DENND3: variants seen among roughly 807,000 people sequenced by gnomAD.
DENND3 encodes DENN domain-containing protein 3.
A neutral mutation model predicts 135.1 loss-of-function variants in DENND3; 88 were observed. That is an observed-to-expected ratio of 0.65 (90% CI 0.55 to 0.78). The LOEUF is 0.78. DENND3 is among the 30% of genes least tolerant of loss of function. DENND3 has a pLI of 0.00. For missense variants in DENND3, 1,392 were observed against 1,688.4 expected (o/e 0.82, Z 3.08); for synonymous variants, 693 against 712.3 (o/e 0.97, Z 0.43).
intron 22 of DENND3, 31 bp downstream of exon 22, chr8:141,192,694 C>A: frequency 6.2e-7 from 1 of 1,605,998 alleles, no homozygotes; most frequent in Non-Finnish European, 8.5e-7. Flanking sequence ...TCCCCAGCAT[C>A]CCCGGCAGGT....
intron 5 of DENND3, among the ~76,000 whole-genome samples, chr8:141,145,803 T>TATA (rs1817953676): frequency 4.6e-5 from 4 of 87,122 alleles, no homozygotes; most frequent in Non-Finnish European, 6.7e-5. Flanking sequence ...ATATTGAATA[T>TATA]TATATATATA....
In DENND3 at chr8:141,158,698, G is replaced by A. The variant is rs968785045; in HGVS notation, c.1197-1934G>A. ...ACGTGAGCGTGTGGCTGGGAGGGAC[G>A]GGGCAGCCCCCTCCTTGCCCAGCTT... On this transcript the variant is annotated intron_variant, in intron 8 of 22. Transcript: ENST00000519811. 3.9e-5 allele frequency among the ~76,000 whole-genome samples: 6 copies of A among 152,192 alleles called. No homozygotes were observed. In the South Asian group the frequency reaches 6.2e-4, roughly 16 times the overall value.
At chr8:141,176,957 C>T (rs570315705) in intron 15 of DENND3, 196 bp downstream of exon 15, 94 of 613,790 alleles carry the variant, frequency 1.5e-4, no homozygotes, top group Non-Finnish European at 2.1e-4. Context: ...AGAGGCCTCA[C>T]GGTGCTACGG....
At chr8:141,157,343 G>T (rs1162003606) in intron 8 of DENND3, 2 of 985,272 alleles carry the variant, frequency 2.0e-6, no homozygotes, top group Non-Finnish European at 2.4e-6. Flanking sequence ...CTCAGCTTCA[G>T]TGCCAGGGCT....
rs765778810 is a variant in DENND3 at position 141,190,401 on chromosome 8, C to T, written c.3363C>T (p.Gly1121=). Residue 1121 remains glycine, a synonymous_variant, in exon 20 of 23, where the codon GGC becomes GGT. Coordinates refer to ENST00000519811, the MANE Select transcript of DENND3 (RefSeq NM_001352890.3). ...RGGLTSIRLH[G]GRLWCCTGNS... Reference sequence around the variant, plus strand: ...GCCTGACGTCCATCAGACTGCACGGCGGCCGCCTGTGGTGCTGTAAGTCCG... The same window carrying T: ...GCCTGACGTCCATCAGACTGCACGGTGGCCGCCTGTGGTGCTGTAAGTCCG... 11 of 1,609,676 alleles carry T rather than the reference C, an allele frequency of 6.8e-6. No homozygotes were observed. The highest frequency in any genetic ancestry group is 7.6e-6 in the Non-Finnish European group (9 of 1,179,008).
At chr8:141,180,906 G>T (rs538028263) in intron 17 of DENND3, 52 bp downstream of exon 17, 1 of 1,497,574 alleles carries the variant, frequency 6.7e-7, no homozygotes, top group Non-Finnish European at 9.2e-7. Flanking sequence ...AATCTGATGC[G>T]CTTAGGTTTG....
chr8:141,172,286 G>A (rs1821719088), intron 13 of DENND3, among the ~76,000 whole-genome samples: 1 of 151,744 alleles, frequency 6.6e-6, no homozygotes, highest in Admixed American at 6.5e-5. Flanking sequence ...CTTTGGGCAT[G>A]CACTGTCTTG....
chr8:141,189,991 C>A (rs1490768666), intron 19 of DENND3, among the ~76,000 whole-genome samples: 1 of 152,172 alleles, frequency 6.6e-6, no homozygotes, highest in Non-Finnish European at 1.5e-5. Flanking sequence ...GAGCCTGCGG[C>A]CCGCGGTGGT....
chr8:141,185,884 G>A (rs1180973256), intron 18 of DENND3, among the ~76,000 whole-genome samples: 1 of 151,592 alleles, frequency 6.6e-6, no homozygotes, highest in Non-Finnish European at 1.5e-5. Context: ...CTGTGAAGTG[G>A]AGCCATTGTG....
chr8:141,181,838 T>A (rs1823160071), intron 17 of DENND3, among the ~76,000 whole-genome samples: 1 of 152,110 alleles, frequency 6.6e-6, no homozygotes, highest in African/African-American at 2.4e-5. Context: ...GTTGGTGCAA[T>A]CATGGCTCAT....
At chr8:141,153,184 C>T (rs1819017069) in intron 7 of DENND3, among the ~76,000 whole-genome samples, 1 of 150,702 alleles carries the variant, frequency 6.6e-6, no homozygotes, top group Admixed American at 6.6e-5. Context: ...ACCAATGCCT[C>T]CCGGGTTCAA....
At chr8:141,173,854 C>T (rs1035439554) in intron 13 of DENND3, 19 of 152,454 alleles carry the variant, frequency 1.2e-4, no homozygotes, top group African/African-American at 4.6e-4. Context: ...CTCTCTGTGT[C>T]TCAGTTTCCC....
intron 8 of DENND3, chr8:141,157,940 A>T (rs1819648313): frequency 6.4e-6 from 6 of 932,480 alleles, no homozygotes; most frequent in Admixed American, 5.3e-5. Flanking sequence ...TTGTGTTTTC[A>T]GTAGAGACAG....
chr8:141,153,700 C>T (rs1013539477), intron 7 of DENND3, among the ~76,000 whole-genome samples: 3 of 152,202 alleles, frequency 2.0e-5, no homozygotes, highest in African/African-American at 4.8e-5. Flanking sequence ...GTGGAAGGAA[C>T]GGAAAAGCGT....
At chr8:141,164,024 T>C (rs188648470) in intron 10 of DENND3, among the ~76,000 whole-genome samples, 2 of 151,854 alleles carry the variant, frequency 1.3e-5, no homozygotes, top group Middle Eastern at 3.4e-3. Context: ...AACCTGGACA[T>C]AGAACATTTC....
chr8:141,168,808 C>T lies in DENND3; in HGVS notation c.2275+283C>T, dbSNP rs894338852. ...TCAAGTGATCCACCCACCTCGGCCT[C>T]CCTAAGTGCTGAGATTACAAGAGTG... On this transcript the variant is annotated intron_variant, in intron 13 of 22. Coordinates refer to ENST00000519811, the MANE Select transcript of DENND3 (RefSeq NM_001352890.3). This position sits in a 1 kb window ranked among gnomAD's most constrained non-coding sequence, Gnocchi z 6.2. 5.3e-5 allele frequency among the ~76,000 whole-genome samples: 8 copies of T among 152,066 alleles called. No individual in the cohort carries two copies. The highest frequency in any genetic ancestry group is 5.2e-4 in the Admixed American group (8 of 15,276).
Position 141,195,033 on chromosome 8 carries a change from G to A in DENND3, c.*800G>A, listed in dbSNP as rs11579. On this transcript the variant is annotated 3_prime_UTR_variant, in exon 23 of 23. Coordinates refer to ENST00000519811, the MANE Select transcript of DENND3 (RefSeq NM_001352890.3). Reference sequence around the variant, plus strand: ...GTGTGATCTCGTCTTCCAGCGTGCCGCTCAGTTCCCCGAATCCGTGTGCAC... The same window carrying A: ...GTGTGATCTCGTCTTCCAGCGTGCCACTCAGTTCCCCGAATCCGTGTGCAC... 0.45 allele frequency: 68,626 copies of A among 151,906 alleles called. 15,940 individuals are homozygous for A. Among genetic ancestry groups the A allele is most frequent in the East Asian group, 0.65 (3,382 of 5,166 alleles). The allele number at this position is 151,906 out of a possible 1,614,324, so 9.4% of individuals were successfully genotyped here. A position where few individuals can be genotyped will look rare whatever the true frequency, so the allele number is the denominator to read the frequency against.
rs2154613603 is a variant in DENND3, at chr8:141,192,363, A to C, written c.3412A>C (p.Asn1138His). Residue 1138 changes from asparagine (N) to histidine (H), a missense_variant, in exon 21 of 23, where the codon AAT (asparagine) becomes CAT (histidine). Coordinates refer to ENST00000519811, the MANE Select transcript of DENND3 (RefSeq NM_001352890.3). Reference protein sequence around the residue: ...TGNSIMVMKMNGSLHQELKIE... With the variant: ...TGNSIMVMKMHGSLHQELKIE... ...TAACAGCATCATGGTCATGAAAATGAATGGATCCCTCCATCAAGAATTGAA... is the reference window on the plus strand; with the variant it reads ...TAACAGCATCATGGTCATGAAAATGCATGGATCCCTCCATCAAGAATTGAA... The C allele has an allele frequency of 6.2e-7, 1 of 1,614,218 alleles. No homozygotes were observed. The highest frequency in any genetic ancestry group is 8.5e-7 in the Non-Finnish European group (1 of 1,180,034).
chr8:141,134,900 G>A lies in DENND3; in HGVS notation c.103-1609G>A, dbSNP rs539818350. On this transcript the variant is annotated intron_variant, in intron 1 of 22. Coordinates refer to ENST00000519811, the MANE Select transcript of DENND3 (RefSeq NM_001352890.3). ...GGCTGGACTGCAGTGGTGAGATCTC[G>A]GCTCACTGCAAGCTCCGCCTCCTGG... Among the ~76,000 whole-genome samples, 4 of 151,230 alleles carry A rather than the reference G, an allele frequency of 2.6e-5. No individual in the cohort carries two copies. The South Asian group carries it at 6.3e-4, about 24-fold the overall frequency.
Sources: gnomAD v4.1 joint callset for allele counts (sites outside exome capture counted in the v4.1 genomes callset) on GRCh38, gnomAD v4.1.1 for gene constraint, Gnocchi (gnomAD v3.1) non-coding constraint, MANE v1.5 for transcripts, NCBI Gene and HGNC (gene_info 2026-07-23, HGNC 2026-07-21) for gene names.